The following TSPAN2 variants were observed in gnomAD, a reference collection of about 807,000 sequenced individuals.
The protein encoded by TSPAN2 is tetraspanin 2, also known as tetraspanin-2.
TSPAN2 carries 24 observed loss-of-function variants against 33.3 expected under a neutral mutation model. The ratio of observed to expected loss-of-function variants is 0.72; its 90% CI spans 0.52 to 1.01. The LOEUF (loss-of-function observed/expected upper bound fraction) is 1.01, where lower values mean the gene tolerates loss of function less well. Among genes scored for constraint, TSPAN2 ranks in the 50% least tolerant of loss-of-function variants. The pLI, the probability that TSPAN2 is intolerant of heterozygous loss-of-function variation, is 0.00. For synonymous variants in TSPAN2, 114 were observed against 104.5 expected, an observed-to-expected ratio of 1.09 and a Z score of -0.56; for missense variants, 278 against 281.3, an observed-to-expected ratio of 0.99 and a Z score of 0.08.
At chr1:115,071,908 G>A (rs1648190712) in intron 2 of TSPAN2, among the ~76,000 whole-genome samples, 1 of 151,900 alleles carries the variant, frequency 6.6e-6, no homozygotes, top group Non-Finnish European at 1.5e-5. Context: ...TCTCTCTCAT[G>A]GAAGAGACTC....
At chr1:115,074,216 G>C (rs889500439) in intron 1 of TSPAN2, among the ~76,000 whole-genome samples, 1 of 152,258 alleles carries the variant, frequency 6.6e-6, no homozygotes, top group African/African-American at 2.4e-5. Flanking sequence ...AGGAAAAATC[G>C]CACCAGAGAC....
At chr1:115,086,679 CTG>C (rs1648847765) in intron 1 of TSPAN2, among the ~76,000 whole-genome samples, 1 of 152,204 alleles carries the variant, frequency 6.6e-6, no homozygotes, top group Admixed American at 6.5e-5. Context: ...TGATTCCACA[CTG>C]TCTTATTTTT....
In TSPAN2 at chr1:115,064,693, T is replaced by C. The variant is rs563661184; in HGVS notation, c.173-2461A>G. 4.4e-3 allele frequency among the ~76,000 whole-genome samples: 664 copies of C among 152,336 alleles called. 7 individuals carry two copies. Among genetic ancestry groups the C allele is most frequent in the African/African-American group, 0.015 (617 of 41,572 alleles). On this transcript the variant is annotated intron_variant, in intron 2 of 7. Coordinates refer to ENST00000369516, the MANE Select transcript of TSPAN2 (RefSeq NM_005725.6). ...AAATCAGTTCCAGGCTTGCTGGCTG[T>C]CATCACCCATCTTTGCTTAGAGATA...
rs759140608 is a variant in TSPAN2 at position 115,060,468 on chromosome 1, C to G, written c.341G>C (p.Gly114Ala). The change falls in exon 4 of 8, where the codon GGG becomes GCG. Residue 114 changes from glycine to alanine, a missense_variant. Transcript: ENST00000369516. The part of the protein sequence containing the change: ...TTGVFAFIGK[G>A]VAIRHVQTMY... ...ATTATAAGTAATTTTACTTACTACCCCCTTGCCTATAAAAGCAAATACTCC... is the reference window on the plus strand; with the variant it reads ...ATTATAAGTAATTTTACTTACTACCGCCTTGCCTATAAAAGCAAATACTCC... 1 of 1,611,652 alleles carries G rather than the reference C, an allele frequency of 6.2e-7. No individual in the cohort carries two copies.
intron 5 of TSPAN2, chr1:115,058,321 T>C (rs1226077168): frequency 3.7e-5 from 6 of 160,326 alleles, no homozygotes; most frequent in Non-Finnish European, 8.1e-5. Flanking sequence ...ATCTCCTCTG[T>C]AAGCCTTCTG....
chr1:115,070,401 T>C (rs1191272896), intron 2 of TSPAN2, among the ~76,000 whole-genome samples: 1 of 151,324 alleles, frequency 6.6e-6, no homozygotes, highest in Non-Finnish European at 1.5e-5. Context: ...GTCCTGGGAT[T>C]CCCCTTTCAT....
intron 1 of TSPAN2, among the ~76,000 whole-genome samples, chr1:115,086,217 C>T (rs1252744204): frequency 6.6e-6 from 1 of 152,206 alleles, no homozygotes; most frequent in Non-Finnish European, 1.5e-5. Flanking sequence ...TATATATTCC[C>T]TCTTAATCCT....
intron 1 of TSPAN2, among the ~76,000 whole-genome samples, chr1:115,077,371 T>C (rs1036555224): frequency 4.0e-5 from 6 of 151,562 alleles, no homozygotes; most frequent in Non-Finnish European, 7.4e-5. Flanking sequence ...GGGAAAGGAA[T>C]AGATAGTGAC....
intron 2 of TSPAN2, among the ~76,000 whole-genome samples, chr1:115,065,215 G>A (rs1484498795): frequency 2.6e-5 from 4 of 152,256 alleles, no homozygotes; most frequent in South Asian, 4.1e-4. Flanking sequence ...TGGGCGTGCC[G>A]GATCCAGTTC....
chr1:115,062,369 A>C, intron 2 of TSPAN2, 137 bp from the exon 3 acceptor site: 3 of 654,502 alleles, frequency 4.6e-6, no homozygotes, highest in Non-Finnish European at 5.3e-6. Flanking sequence ...CATGTTTGAC[A>C]CGGAGGAACT....
intron 2 of TSPAN2, among the ~76,000 whole-genome samples, chr1:115,068,843 A>T (rs998083467): frequency 6.6e-6 from 1 of 152,190 alleles, no homozygotes; most frequent in Admixed American, 6.5e-5. Context: ...AAGGGAAAAA[A>T]GGTACCTGAC....
Position 115,050,488 on chromosome 1 carries a change from CT to C in TSPAN2, c.*1del. ...GATTGCAATTTTCATGTAGAAGTAGCTTCATATCACATCTCGTGAGTTTCGT... is the reference window on the plus strand; with the variant it reads ...GATTGCAATTTTCATGTAGAAGTAGCTCATATCACATCTCGTGAGTTTCGT... On this transcript the variant is annotated 3_prime_UTR_variant, in exon 8 of 8. Coordinates refer to ENST00000369516, the MANE Select transcript of TSPAN2 (RefSeq NM_005725.6). The C allele has an allele frequency of 1.2e-6, 2 of 1,613,766 alleles. No individual in the cohort carries two copies.
At chr1:115,061,738 C>G (rs1401641359) in intron 3 of TSPAN2, among the ~76,000 whole-genome samples, 1 of 152,108 alleles carries the variant, frequency 6.6e-6, no homozygotes, top group East Asian at 1.9e-4. Context: ...GTGGTACAGT[C>G]ATGGCTCACT....
chr1:115,057,937 G>T (rs1382418067), intron 5 of TSPAN2, among the ~76,000 whole-genome samples: 2 of 152,158 alleles, frequency 1.3e-5, no homozygotes, highest in Non-Finnish European at 2.9e-5. Context: ...TTTCAGACTG[G>T]GAGTCATTTA....
intron 7 of TSPAN2, among the ~76,000 whole-genome samples, chr1:115,051,005 C>A (rs1257365346): frequency 1.3e-5 from 2 of 152,106 alleles, no homozygotes; most frequent in East Asian, 3.9e-4. Flanking sequence ...CAACAGTGTC[C>A]ATACATCCAA....
Position 115,050,394 on chromosome 1 carries a change from C to A in TSPAN2, c.*96G>T, listed in dbSNP as rs535267715. On this transcript the variant is annotated 3_prime_UTR_variant, in exon 8 of 8. Transcript: ENST00000369516. ...CAATTGACAGCAAATTATTTTAGAT[C>A]CTAATGTCATTTCAGTGTTAAAAAT... The A allele has an allele frequency of 2.7e-6, 3 of 1,097,796 alleles. No homozygotes were observed. Among genetic ancestry groups the A allele is most frequent in the Admixed American group, 3.5e-5 (2 of 57,676 alleles). The allele number at this position is 1,097,796 out of a possible 1,614,324, so 68.0% of individuals were successfully genotyped here.
intron 2 of TSPAN2, 26 bp from the exon 3 acceptor site, chr1:115,062,258 C>A: frequency 1.3e-6 from 2 of 1,555,558 alleles, no homozygotes; most frequent in Non-Finnish European, 8.7e-7. Context: ...CAGAGGAGAC[C>A]ACTGAGAGCC....
intron 1 of TSPAN2, 69 bp downstream of exon 1, chr1:115,089,294 CG>C: frequency 2.2e-6 from 3 of 1,394,274 alleles, no homozygotes; most frequent in Non-Finnish European, 9.7e-7. Flanking sequence ...GTCAGCAGCT[CG>C]GGGACCCCGG....
intron 2 of TSPAN2, among the ~76,000 whole-genome samples, chr1:115,065,956 A>T (rs1483344134): frequency 6.6e-6 from 1 of 152,150 alleles, no homozygotes; most frequent in Non-Finnish European, 1.5e-5. Flanking sequence ...GGCCTCCATG[A>T]GATCCACTTA....
Sources: allele counts gnomAD v4.1 joint callset (sites outside exome capture counted in the v4.1 genomes callset), GRCh38; gene constraint gnomAD v4.1.1; transcripts MANE v1.5; gene names NCBI Gene and HGNC (gene_info 2026-07-23, HGNC 2026-07-21).